The following DDX19A variants were observed in gnomAD, a reference collection of about 807,000 sequenced individuals.
DDX19A encodes ATP-dependent RNA helicase DDX19A.
DDX19A carries 12 observed loss-of-function variants against 60.6 expected under a neutral mutation model. That is an observed-to-expected ratio of 0.20 (90% CI 0.13 to 0.32). DDX19A has a LOEUF of 0.32. Ranked by LOEUF, DDX19A falls within the 10% of genes least tolerant of loss-of-function variation. The probability of loss-of-function intolerance (pLI) is 1.00; values close to 1 mark genes in which losing one functional copy is unlikely to be tolerated. For synonymous variants in DDX19A, 206 were observed against 218.2 expected, an observed-to-expected ratio of 0.94 and a Z score of 0.49; for missense variants, 337 against 600.6, an observed-to-expected ratio of 0.56 and a Z score of 4.59.
chr16:70,350,848 ATTATTTATTTATTTATTTAT>A (rs200007299), intron 2 of DDX19A, among the ~76,000 whole-genome samples: 5 of 143,990 alleles, frequency 3.5e-5, no homozygotes, highest in Admixed American at 7.0e-5. Flanking sequence ...ATTTTGGCAA[ATTATTTATTTATTTATTTAT>A]TTATTTATTT....
rs1275505045 is a variant in DDX19A, at chr16:70,370,281, C to T, written c.1079C>T (p.Ala360Val). 7.4e-6 allele frequency: 12 copies of T among 1,613,974 alleles called. No individual in the cohort carries two copies. Among genetic ancestry groups the T allele is most frequent in the East Asian group, 2.2e-5 (1 of 44,892 alleles). ...CTCTCAAAAGAAGGCCACCAGGTGG[C>T]TCTGCTGAGTGGGGAGATGATGGTG... ...AELSKEGHQV[A>V]LLSGEMMVEQ... Residue 360 changes from alanine to valine, a missense_variant, in exon 10 of 12, where the codon GCT becomes GTT. By Grantham distance (64) the Ala-to-Val change is moderately conservative. Around this residue, in one of 6 missense-constraint regions of DDX19A, gnomAD observed 117 missense variants for 274.3 expected, o/e 0.43. Coordinates refer to ENST00000302243, the MANE Select transcript of DDX19A (RefSeq NM_018332.5).
chr16:70,351,959 AC>A (rs1180306241), intron 2 of DDX19A, among the ~76,000 whole-genome samples: 1 of 152,122 alleles, frequency 6.6e-6, no homozygotes, highest in African/African-American at 2.4e-5. Flanking sequence ...CACCCTAGTG[AC>A]CTCATCTTAA....
chr16:70,355,636 G>A, intron 3 of DDX19A, 101 bp downstream of exon 3: 1 of 943,028 alleles, frequency 1.1e-6, no homozygotes, highest in Non-Finnish European at 1.7e-6. Flanking sequence ...GAGATGAGAG[G>A]AATCAGAGAA....
chr16:70,360,321 C>CTTTCTT (rs1555552997), intron 4 of DDX19A, among the ~76,000 whole-genome samples: 5 of 133,496 alleles, frequency 3.7e-5, no homozygotes, highest in East Asian at 2.2e-4. Flanking sequence ...TTCTTTCTTT[C>CTTTCTT]TTTTTTTTTT....
intron 2 of DDX19A, among the ~76,000 whole-genome samples, chr16:70,351,198 T>TA (rs2152223810): frequency 6.6e-6 from 1 of 151,320 alleles, no homozygotes; most frequent in East Asian, 1.9e-4. Flanking sequence ...TTTTATTTTT[T>TA]ATATTAGATT....
rs1234278581 is a variant in DDX19A, at chr16:70,370,277, G to A, written c.1075G>A (p.Val359Met). 1 of 1,614,148 alleles carries A rather than the reference G, an allele frequency of 6.2e-7. No homozygotes were observed. The highest frequency in any genetic ancestry group is 1.7e-5 in the Admixed American group (1 of 60,004). ...AGAGCTCTCAAAAGAAGGCCACCAG[G>A]TGGCTCTGCTGAGTGGGGAGATGAT... ...AAELSKEGHQ[V>M]ALLSGEMMVE... is the part of the protein sequence containing the mutation. The change falls in exon 10 of 12, where the codon GTG becomes ATG. Residue 359 changes from valine to methionine, a missense_variant. Coordinates refer to ENST00000302243, the MANE Select transcript of DDX19A (RefSeq NM_018332.5).
intron 4 of DDX19A, among the ~76,000 whole-genome samples, chr16:70,359,070 C>T (rs1964299048): frequency 6.6e-6 from 1 of 152,290 alleles, no homozygotes; most frequent in Non-Finnish European, 1.5e-5. Context: ...GAATTGTCCT[C>T]TGTAAAAGAC....
Position 70,364,635 on chromosome 16 carries a change from G to T in DDX19A, c.479G>T (p.Arg160Ile), listed in dbSNP as rs369403131. The change falls in exon 6 of 12, where the codon AGA (arginine) becomes ATA (isoleucine). Residue 160 changes from arginine (R) to isoleucine (I), a missense_variant. Coordinates refer to ENST00000302243, the MANE Select transcript of DDX19A (RefSeq NM_018332.5). ...CTCAGCCGAGTGGAGCCATCAGACA[G>T]ATACCCCCAGGTGAGGGCTTGCGGG... ...AMLSRVEPSD[R>I]YPQCLCLSPT... 1 of 1,613,974 alleles carries T rather than the reference G, an allele frequency of 6.2e-7. No homozygotes were observed. The highest frequency in any genetic ancestry group is 1.3e-5 in the African/African-American group (1 of 74,938).
intron 7 of DDX19A, chr16:70,365,618 T>TAA (rs879832231): frequency 6.3e-5 from 11 of 174,380 alleles, no homozygotes; most frequent in South Asian, 1.9e-4. Flanking sequence ...AGACAAAAAA[T>TAA]AAAAAAAAAA....
intron 4 of DDX19A, among the ~76,000 whole-genome samples, chr16:70,358,911 G>T (rs944152448): frequency 1.3e-5 from 2 of 152,156 alleles, no homozygotes; most frequent in African/African-American, 4.8e-5. Context: ...CACCAAATCT[G>T]TCATCTCCAC....
At chr16:70,362,484 C>T (rs1164115701) in intron 5 of DDX19A, among the ~76,000 whole-genome samples, 5 of 152,118 alleles carry the variant, frequency 3.3e-5, no homozygotes, top group Non-Finnish European at 2.9e-5. Flanking sequence ...CCAAGAACAC[C>T]TCTGTAGCCC....
rs868547914 is a variant in DDX19A at position 70,373,061 on chromosome 16, C to A, written c.*1075C>A. ...CAGCCTGGCCAACATGATGAAACCC[C>A]GTCTCTACCAAAAATAGAAAAAAAT... On this transcript the variant is annotated 3_prime_UTR_variant, in exon 12 of 12. Coordinates refer to ENST00000302243, the MANE Select transcript of DDX19A (RefSeq NM_018332.5). 6.6e-6 allele frequency: 1 copy of A among 151,996 alleles called. No individual in the cohort carries two copies. The highest frequency in any genetic ancestry group is 2.1e-4 in the South Asian group (1 of 4,816). 9.4% of individuals were successfully genotyped at this position (151,996 alleles called of 1,614,324 possible). A position where few individuals can be genotyped will look rare whatever the true frequency, so the allele number is the denominator to read the frequency against.
intron 1 of DDX19A, chr16:70,347,278 C>G: frequency 1.7e-6 from 1 of 575,050 alleles, no homozygotes; most frequent in Non-Finnish European, 3.1e-6. Context: ...ATCCGCCCCA[C>G]TATGCATGCT....
At chr16:70,361,561 C>G in intron 5 of DDX19A, 51 bp downstream of exon 5, 3 of 1,474,964 alleles carry the variant, frequency 2.0e-6, no homozygotes, top group Non-Finnish European at 2.8e-6. Context: ...GATCAATCTT[C>G]CCCAAACTGC....
intron 4 of DDX19A, chr16:70,356,744 C>A: frequency 2.4e-6 from 1 of 416,496 alleles, no homozygotes; most frequent in Non-Finnish European, 3.8e-6. Context: ...TATTAATCTC[C>A]CACCCTTGTG....
chr16:70,352,795 C>G (rs2152224767), intron 2 of DDX19A, among the ~76,000 whole-genome samples: 1 of 152,034 alleles, frequency 6.6e-6, no homozygotes, highest in East Asian at 1.9e-4. Flanking sequence ...TGCCACCACG[C>G]CTGGCTAATT....
intron 4 of DDX19A, among the ~76,000 whole-genome samples, chr16:70,358,489 T>A (rs1409111647): frequency 6.6e-6 from 1 of 151,722 alleles, no homozygotes; most frequent in African/African-American, 2.4e-5. Context: ...TTTTTTTTTT[T>A]TTTTAATAGG....
intron 9 of DDX19A, 131 bp downstream of exon 9, chr16:70,366,992 C>G: frequency 9.1e-7 from 1 of 1,096,240 alleles, no homozygotes; most frequent in Non-Finnish European, 1.3e-6. Flanking sequence ...AAGAGACAGG[C>G]TCTCCTTTAG....
At chr16:70,356,938 GTT>G in intron 4 of DDX19A, 11 of 442,574 alleles carry the variant, frequency 2.5e-5, no homozygotes, top group East Asian at 1.4e-4. Context: ...TGTGCTATTT[GTT>G]TTTTTTTTAC....
Sources: gnomAD v4.1 joint callset for allele counts (sites outside exome capture counted in the v4.1 genomes callset) on GRCh38, gnomAD v4.1.1 for gene constraint, gnomAD v4.1.1 regional missense constraint, MANE v1.5 for transcripts, NCBI Gene and HGNC (gene_info 2026-07-23, HGNC 2026-07-21) for gene names.